EBF1: variants seen among roughly 807,000 people sequenced by gnomAD.
The protein encoded by EBF1 is transcription factor COE1.
A neutral mutation model predicts 68.4 loss-of-function variants in EBF1; 10 were observed. That is an observed-to-expected ratio of 0.15 (90% CI 0.09 to 0.25). The LOEUF is 0.25. Ranked by LOEUF, EBF1 falls within the 10% of genes least tolerant of loss-of-function variation. The pLI, the probability that EBF1 is intolerant of heterozygous loss-of-function variation, is 1.00. For synonymous variants in EBF1, 298 were observed against 299.8 expected (o/e 0.99, Z 0.06); for missense variants, 509 against 794.4 (o/e 0.64, Z 4.32).
intron 6 of EBF1, among the ~76,000 whole-genome samples, chr5:158,959,795 T>A (rs1049586350): frequency 3.3e-5 from 5 of 152,230 alleles, no homozygotes; most frequent in African/African-American, 1.2e-4. Context: ...TTCATTCATA[T>A]ACAAGAATAA....
At chr5:158,806,349 C>A (rs776119303) in intron 8 of EBF1, among the ~76,000 whole-genome samples, 5 of 152,096 alleles carry the variant, frequency 3.3e-5, no homozygotes, top group Admixed American at 6.6e-5. Flanking sequence ...GCAACATGAT[C>A]ATTAGATGTG....
At chr5:158,754,459 A>G (rs925965024) in intron 10 of EBF1, among the ~76,000 whole-genome samples, 2 of 152,312 alleles carry the variant, frequency 1.3e-5, no homozygotes, top group South Asian at 2.1e-4. Context: ...TTGCAATAGA[A>G]GGAAAGAATT....
chr5:158,699,254 C>T (rs1756254117), intron 15 of EBF1, 112 bp from the exon 16 acceptor site: 1 of 1,068,670 alleles, frequency 9.4e-7, no homozygotes, highest in Non-Finnish European at 1.3e-6. Context: ...TGTTGTTCGA[C>T]TATTAGCCAC....
At chr5:158,826,753 C>A (rs564146638) in intron 7 of EBF1, among the ~76,000 whole-genome samples, 1 of 152,126 alleles carries the variant, frequency 6.6e-6, no homozygotes, top group African/African-American at 2.4e-5. Flanking sequence ...TATAAGAGAA[C>A]GAGAAGGGCA....
intron 6 of EBF1, among the ~76,000 whole-genome samples, chr5:158,942,995 G>C (rs1368493880): frequency 8.1e-6 from 1 of 123,622 alleles, no homozygotes; most frequent in East Asian, 2.7e-4. Flanking sequence ...GAGAGGAAGG[G>C]AGGAAGGGAG....
At chr5:158,701,983 C>T (rs1252375936) in intron 15 of EBF1, among the ~76,000 whole-genome samples, 1 of 152,138 alleles carries the variant, frequency 6.6e-6, no homozygotes, top group East Asian at 1.9e-4. Flanking sequence ...GACAGCATGC[C>T]ACAGCATTTC....
At chr5:158,799,649 T>C (rs907069412) in intron 8 of EBF1, among the ~76,000 whole-genome samples, 2 of 152,128 alleles carry the variant, frequency 1.3e-5, no homozygotes, top group Admixed American at 6.6e-5. Flanking sequence ...GCTCAGGATC[T>C]CAGAACAAGC....
chr5:159,081,458 T>C (rs550699403), intron 5 of EBF1, among the ~76,000 whole-genome samples: 1 of 152,350 alleles, frequency 6.6e-6, no homozygotes, highest in African/African-American at 2.4e-5. Flanking sequence ...AGGCATCCAC[T>C]GTGGGTCACG....
At chr5:158,910,252 CAAG>C (rs1220776535) in intron 6 of EBF1, among the ~76,000 whole-genome samples, 1 of 152,172 alleles carries the variant, frequency 6.6e-6, no homozygotes, top group Non-Finnish European at 1.5e-5. Context: ...GGCCACCCAC[CAAG>C]CTGTGGTTCT....
intron 4 of EBF1, among the ~76,000 whole-genome samples, chr5:159,088,170 C>T (rs538477206): frequency 2.0e-4 from 31 of 152,246 alleles, no homozygotes; most frequent in Non-Finnish European, 4.1e-4. Flanking sequence ...TATTGTTAAA[C>T]ACACATACAC....
At chr5:158,770,683 C>A (rs897624667) in intron 10 of EBF1, among the ~76,000 whole-genome samples, 7 of 152,098 alleles carry the variant, frequency 4.6e-5, no homozygotes, top group Non-Finnish European at 7.4e-5. Flanking sequence ...GCTCCCTCTG[C>A]TGGAAGGCTC....
At chr5:159,090,568 C>T (rs1229171656) in intron 4 of EBF1, among the ~76,000 whole-genome samples, 1 of 152,100 alleles carries the variant, frequency 6.6e-6, no homozygotes, top group Non-Finnish European at 1.5e-5. Context: ...TGTTCAGTTA[C>T]ATCACAGCCC....
chr5:158,836,417 G>T (rs1788817396), intron 7 of EBF1, among the ~76,000 whole-genome samples: 2 of 152,122 alleles, frequency 1.3e-5, no homozygotes, highest in South Asian at 4.1e-4. Flanking sequence ...TTCAGAATGA[G>T]TGACTGTTGT....
chr5:158,921,903 T>C (rs1808521657), intron 6 of EBF1, among the ~76,000 whole-genome samples: 1 of 152,246 alleles, frequency 6.6e-6, no homozygotes, highest in African/African-American at 2.4e-5. Flanking sequence ...ATCTTTGGTT[T>C]ATTGAACCTG....
At chr5:159,095,086 T>G (rs1232650527) in intron 4 of EBF1, among the ~76,000 whole-genome samples, 1 of 152,126 alleles carries the variant, frequency 6.6e-6, no homozygotes, top group Non-Finnish European at 1.5e-5. Context: ...CTCTAACAAT[T>G]GTCGCTCCCT....
chr5:158,983,381 C>T (rs1055327635), intron 6 of EBF1: 1 of 152,104 alleles, frequency 6.6e-6, no homozygotes, highest in African/African-American at 2.4e-5. Flanking sequence ...GACTAATTTA[C>T]AACACAATTT....
At chr5:158,850,402 C>G (rs373737344) in intron 6 of EBF1, among the ~76,000 whole-genome samples, 1 of 152,208 alleles carries the variant, frequency 6.6e-6, no homozygotes, top group East Asian at 1.9e-4. Context: ...AGTCCCTTCC[C>G]TTGTGAAAGT....
intron 2 of EBF1, chr5:159,096,636 T>A (rs1191495104): frequency 1.6e-6 from 1 of 620,838 alleles, no homozygotes; most frequent in African/African-American, 1.8e-5. Context: ...CAGGCTATCC[T>A]CTTTCCAGGG....
chr5:158,794,237 G>C (rs1279385842), intron 9 of EBF1, among the ~76,000 whole-genome samples: 1 of 152,120 alleles, frequency 6.6e-6, no homozygotes, highest in Non-Finnish European at 1.5e-5. Context: ...AGGGGCTCCT[G>C]GCACACACAA....
Sources: gnomAD v4.1 joint callset for allele counts (sites outside exome capture counted in the v4.1 genomes callset) on GRCh38, gnomAD v4.1.1 for gene constraint, MANE v1.5 for transcripts, NCBI Gene and HGNC (gene_info 2026-07-23, HGNC 2026-07-21) for gene names.